PLXNB2: variants seen among roughly 807,000 people sequenced by gnomAD.
The protein encoded by PLXNB2 is plexin B2.
Under a neutral mutation model 202.6 loss-of-function variants are expected in PLXNB2, and 85 were observed. The ratio of observed to expected loss-of-function variants is 0.42; its 90% CI spans 0.35 to 0.50. PLXNB2 has a LOEUF of 0.50. Ranked by LOEUF, PLXNB2 falls within the 20% of genes least tolerant of loss-of-function variation. The pLI, the probability that PLXNB2 is intolerant of heterozygous loss-of-function variation, is 0.02. For missense variants in PLXNB2, 2,063 were observed against 2,586.2 expected (o/e 0.80, Z 4.39); for synonymous variants, 1,239 against 1,137.6 (o/e 1.09, Z -1.79).
chr22:50,307,521 T>G, intron 1 of PLXNB2, 32 bp downstream of exon 1: 2 of 961,020 alleles, frequency 2.1e-6, no homozygotes, highest in Non-Finnish European at 2.5e-6. Context: ...CAGCGAGACG[T>G]CCCCCGCAGC....
chr22:50,276,346 G>A (rs1272872035), intron 35 of PLXNB2, among the ~76,000 whole-genome samples: 26 of 138,746 alleles, frequency 1.9e-4, no homozygotes, highest in African/African-American at 5.4e-4. Context: ...CTGTGGGCAC[G>A]GCCGAGGGTG....
intron 1 of PLXNB2, chr22:50,301,536 A>T: frequency 3.0e-6 from 1 of 337,618 alleles, no homozygotes; most frequent in Non-Finnish European, 4.2e-6. Context: ...GTCTCTCCTG[A>T]AAGGAGGCCT....
intron 35 of PLXNB2, among the ~76,000 whole-genome samples, chr22:50,276,424 A>AC (rs1569154907): frequency 2.8e-4 from 42 of 151,970 alleles, no homozygotes; most frequent in Non-Finnish European, 3.7e-4. Flanking sequence ...CGCTGTGGGC[A>AC]GGGCCTGGCT....
chr22:50,283,560 C>A, intron 15 of PLXNB2, 42 bp downstream of exon 15: 1 of 1,549,970 alleles, frequency 6.5e-7, no homozygotes, highest in Non-Finnish European at 8.8e-7. Context: ...AGCGTGGGTA[C>A]TGACCCAGCT....
chr22:50,278,019 G>A lies in PLXNB2; in HGVS notation c.4888-6C>T, dbSNP rs759618272. 22 of 1,609,940 alleles carry A rather than the reference G, an allele frequency of 1.4e-5. No homozygotes were observed. Among genetic ancestry groups the A allele is most frequent in the Non-Finnish European group, 1.7e-5 (20 of 1,178,064 alleles). On this transcript the variant is annotated splice_region_variant and splice_polypyrimidine_tract_variant and intron_variant, in intron 31 of 36. Transcript: ENST00000359337. ...ACAAACTGCTGCAGTGTGCCCTGTGGGGGGGAGGGTCTCAGCGTGACGCCG... is the reference window on the plus strand; with the variant it reads ...ACAAACTGCTGCAGTGTGCCCTGTGAGGGGGAGGGTCTCAGCGTGACGCCG...
In PLXNB2 at chr22:50,275,284, A is replaced by T. The variant is rs2065467158; in HGVS notation, c.*420T>A. 1 of 413,914 alleles carries T rather than the reference A, an allele frequency of 2.4e-6. No homozygotes were observed. The highest frequency in any genetic ancestry group is 4.8e-6 in the Non-Finnish European group (1 of 206,840). 25.6% of individuals were successfully genotyped at this position (413,914 alleles called of 1,614,324 possible). On this transcript the variant is annotated 3_prime_UTR_variant, in exon 37 of 37. Coordinates refer to ENST00000359337, the MANE Select transcript of PLXNB2 (RefSeq NM_012401.4). ...TCCTCCCATCTCGTGGTGGACAGAC[A>T]GACATAGGATCTGGGAACTTGCCCT...
At position 50,287,219 on chromosome 22, in the gene PLXNB2, C is replaced by T. The variant is rs376816438; in HGVS notation, c.1654G>A (p.Glu552Lys). Residue 552 changes from glutamate to lysine, a missense_variant, in exon 8 of 37, where the codon GAG becomes AAG. Coordinates refer to ENST00000359337, the MANE Select transcript of PLXNB2 (RefSeq NM_012401.4). ...GACTCCCCAAAAAGGCACAGCAACT[C>T]GTCCTCCTCGCTCAGGGCAGGGAGG... is the stretch of plus-strand genomic sequence containing the variant. ...SPLPALSEED[E>K]LLCLFGESPP... 9.0e-5 allele frequency: 139 copies of T among 1,550,468 alleles called. No individual in the cohort carries two copies. Among genetic ancestry groups the T allele is most frequent in the Middle Eastern group, 1.7e-4 (1 of 5,996 alleles).
Position 50,275,419 on chromosome 22 carries a change from G to A in PLXNB2, c.*285C>T. The A allele has an allele frequency of 1.8e-6, 1 of 543,500 alleles. No individual in the cohort carries two copies. Among genetic ancestry groups the A allele is most frequent in the Non-Finnish European group, 3.5e-6 (1 of 283,674 alleles). The allele number at this position is 543,500 out of a possible 1,614,324, so 33.7% of individuals were successfully genotyped here. ...GCTGCCCCCAGCGTGGCAGCGTAAG[G>A]CACATTTTCAAATCACTGGAGACTC... On this transcript the variant is annotated 3_prime_UTR_variant, in exon 37 of 37. Transcript: ENST00000359337.
chr22:50,280,699 C>T (rs748874116), intron 24 of PLXNB2, 29 bp from the exon 25 acceptor site: 32 of 1,596,696 alleles, frequency 2.0e-5, no homozygotes, highest in Middle Eastern at 3.5e-4. Context: ...AAAGCCTGCC[C>T]GGCGCCACCT....
chr22:50,278,937 G>C lies in PLXNB2; in HGVS notation c.4464C>G (p.Ser1488=), dbSNP rs2065798252. ...PVKVLNCDTI[S]QVKEKIIDQV... Reference sequence around the variant, plus strand: ...GGTCAATGATCTTCTCCTTGACCTGGGAGATGGTGTCACAGTTGAGGACCT... The same window carrying C: ...GGTCAATGATCTTCTCCTTGACCTGCGAGATGGTGTCACAGTTGAGGACCT... The change falls in exon 28 of 37, where the codon TCC becomes TCG. Residue 1488 remains serine, a synonymous_variant. Coordinates refer to ENST00000359337, the MANE Select transcript of PLXNB2 (RefSeq NM_012401.4). 6.2e-7 allele frequency: 1 copy of C among 1,613,768 alleles called. No individual in the cohort carries two copies. The highest frequency in any genetic ancestry group is 8.5e-7 in the Non-Finnish European group (1 of 1,179,898).
chr22:50,282,878 C>T lies in PLXNB2; in HGVS notation c.2820G>A (p.Thr940=), dbSNP rs776567661. The change falls in exon 18 of 37, where the codon ACG becomes ACA. Residue 940 remains threonine (T), a synonymous_variant. Transcript: ENST00000359337. The part of the protein sequence containing the change: ...VTLNGVPCKV[T]KFGAQLQCVT... ...CACACTGGAGCTGCGCCCCAAACTTCGTCCTGGGGGAGGGAGGGTGCTGGT... is the reference window on the plus strand; with the variant it reads ...CACACTGGAGCTGCGCCCCAAACTTTGTCCTGGGGGAGGGAGGGTGCTGGT... 201 of 1,607,940 alleles carry T rather than the reference C, an allele frequency of 1.3e-4. No individual in the cohort carries two copies. The highest frequency in any genetic ancestry group is 3.6e-4 in the East Asian group (16 of 44,738).
chr22:50,304,508 G>C (rs982502784), intron 1 of PLXNB2, among the ~76,000 whole-genome samples: 1 of 152,110 alleles, frequency 6.6e-6, no homozygotes, highest in Non-Finnish European at 1.5e-5. Flanking sequence ...AGAAAGGCAG[G>C]GGTCCTTACA....
intron 28 of PLXNB2, 56 bp downstream of exon 28, chr22:50,278,799 G>A (rs1297375543): frequency 6.3e-7 from 1 of 1,597,708 alleles, no homozygotes. Flanking sequence ...ACCGCCCCAG[G>A]ACACAGGCCA....
At position 50,289,675 on chromosome 22, in the gene PLXNB2, TG is replaced by T. The variant is rs1221856429; in HGVS notation, c.909del (p.Ser303ArgfsTer88). ...LYAVFSRDSR[S>X]SGGPGAGLCL... ...CAGAGGCCCGCACCGGGCCCCCCAC[TG>T]CTCCGGCTGTCTCTGCTGAAGACAG... On this transcript the variant is annotated frameshift_variant, in exon 3 of 37. Transcript: ENST00000359337. LOFTEE classifies it high-confidence loss of function. This position sits in a 1 kb window ranked among gnomAD's most constrained non-coding sequence, Gnocchi z 8.0. 1 of 1,610,112 alleles carries T rather than the reference TG, an allele frequency of 6.2e-7. No individual in the cohort carries two copies. Among genetic ancestry groups the T allele is most frequent in the Non-Finnish European group, 8.5e-7 (1 of 1,179,828 alleles).
In PLXNB2 at chr22:50,289,875, T is replaced by C. The variant is rs753658408; in HGVS notation, c.710A>G (p.Lys237Arg). ...YVFFVFNQQD[K>R]HPARNRTLLA... Reference sequence around the variant, plus strand: ...CAGCGTGCGGTTCCGGGCCGGGTGCTTGTCCTGCTGGTTGAAGACAAAGAA... The same window carrying C: ...CAGCGTGCGGTTCCGGGCCGGGTGCCTGTCCTGCTGGTTGAAGACAAAGAA... The change falls in exon 3 of 37, where the codon AAG (lysine) becomes AGG (arginine). Residue 237 changes from lysine to arginine, a missense_variant. Physicochemically the swap from Lys to Arg is conservative, Grantham distance 26 (BLOSUM62 2). This residue lies in a region of PLXNB2 where 1,303 missense variants were observed against 1,476.8 expected (regional missense o/e 0.88). Coordinates refer to ENST00000359337, the MANE Select transcript of PLXNB2 (RefSeq NM_012401.4). The surrounding 1 kb of genome is among the most constrained non-coding windows in gnomAD (Gnocchi z 8.0). The C allele has an allele frequency of 5.0e-6, 8 of 1,613,240 alleles. No homozygotes were observed. The South Asian group carries it at 8.8e-5, about 18-fold the overall frequency.
rs2066295355 is a variant in PLXNB2 at position 50,284,759 on chromosome 22, G to A, written c.2089-94C>T. ...GCAGCCCCTCCTCTGTGCCTACAGTGTGGGAGCCCTCTCCTCACCCCACAC... is the reference window on the plus strand; with the variant it reads ...GCAGCCCCTCCTCTGTGCCTACAGTATGGGAGCCCTCTCCTCACCCCACAC... On this transcript the variant is annotated intron_variant, in intron 11 of 36. Transcript: ENST00000359337. The surrounding 1 kb of genome is among the most constrained non-coding windows in gnomAD (Gnocchi z 8.0). 1.1e-6 allele frequency: 1 copy of A among 942,514 alleles called. No individual in the cohort carries two copies. The highest frequency in any genetic ancestry group is 1.7e-6 in the Non-Finnish European group (1 of 571,556). The allele number at this position is 942,514 out of a possible 1,614,324, so 58.4% of individuals were successfully genotyped here. A position where few individuals can be genotyped will look rare whatever the true frequency, so the allele number is the denominator to read the frequency against.
rs752279615 is a variant in PLXNB2 at position 50,284,613 on chromosome 22, G to A, written c.2141C>T (p.Thr714Ile). Residue 714 changes from threonine (T) to isoleucine (I), a missense_variant, in exon 12 of 37, where the codon ACC (threonine) becomes ATC (isoleucine). Transcript: ENST00000359337. This position sits in a 1 kb window ranked among gnomAD's most constrained non-coding sequence, Gnocchi z 8.0. Reference protein sequence around the residue: ...SDLLKFMEPVTMQESGTFAFR... With the variant: ...SDLLKFMEPVIMQESGTFAFR... Reference sequence around the variant, plus strand: ...GGCGAAGGTCCCAGATTCCTGCATGGTCACCGGCTCCATGAACTTGAGCAA... The same window carrying A: ...GGCGAAGGTCCCAGATTCCTGCATGATCACCGGCTCCATGAACTTGAGCAA... The A allele has an allele frequency of 3.1e-6, 5 of 1,612,614 alleles. 1 individual carries two copies. In the East Asian group the frequency reaches 1.1e-4, roughly 36 times the overall value.
chr22:50,304,677 C>T (rs1303182439), intron 1 of PLXNB2, among the ~76,000 whole-genome samples: 1 of 152,060 alleles, frequency 6.6e-6, no homozygotes, highest in Admixed American at 6.5e-5. Context: ...GGCTCTGACC[C>T]ACCCTCCCCA....
rs76257646 is a variant in PLXNB2 at position 50,305,201 on chromosome 22, C to A, written c.-74+2352G>T. ...GCACAGGGTGAGGCAGGGGGCAGGACACGGTGAGCACGGACGACGTCCTGG... is the reference window on the plus strand; with the variant it reads ...GCACAGGGTGAGGCAGGGGGCAGGAAACGGTGAGCACGGACGACGTCCTGG... On this transcript the variant is annotated intron_variant, in intron 1 of 36. Coordinates refer to ENST00000359337, the MANE Select transcript of PLXNB2 (RefSeq NM_012401.4). Among the ~76,000 whole-genome samples, 1,390 of 152,288 alleles carry A rather than the reference C, an allele frequency of 9.1e-3. 31 individuals carry two copies. The highest frequency in any genetic ancestry group is 0.032 in the African/African-American group (1,312 of 41,560).
Sources: allele counts gnomAD v4.1 joint callset (sites outside exome capture counted in the v4.1 genomes callset), GRCh38; gene constraint gnomAD v4.1.1; regional missense constraint gnomAD v4.1.1; non-coding constraint Gnocchi (gnomAD v3.1); transcripts MANE v1.5; gene names NCBI Gene and HGNC (gene_info 2026-07-23, HGNC 2026-07-21).